TENM2: variants seen among roughly 807,000 people sequenced by gnomAD.
TENM2 encodes the protein teneurin-2.
TENM2 carries 52 observed loss-of-function variants against 245.2 expected under a neutral mutation model. The ratio of observed to expected loss-of-function variants is 0.21; its 90% confidence interval spans 0.17 to 0.27. The LOEUF is 0.27. Ranked by LOEUF, TENM2 falls within the 10% of genes least tolerant of loss-of-function variation. The pLI, the probability that TENM2 is intolerant of heterozygous loss-of-function variation, is 1.00. For synonymous variants in TENM2, 1,363 were observed against 1,438.9 expected (o/e 0.95, Z 1.19); for missense variants, 3,046 against 3,666.8 (o/e 0.83, Z 4.37).
At chr5:167,707,870 G>T (rs2150470683) in intron 2 of TENM2, among the ~76,000 whole-genome samples, 1 of 152,274 alleles carries the variant, frequency 6.6e-6, no homozygotes, top group Non-Finnish European at 1.5e-5. Context: ...CTACTTAGTA[G>T]AGACTCTCCA....
the TENM2 span, among the ~76,000 whole-genome samples, chr5:166,983,586 A>C: frequency 3.9e-5 from 6 of 152,160 alleles, no homozygotes; most frequent in Admixed American, 2.0e-4. Context: ...TATATTCCCC[A>C]TAAAGATTTT....
At chr5:167,207,765 T>G in the TENM2 span, among the ~76,000 whole-genome samples, 1 of 152,176 alleles carries the variant, frequency 6.6e-6, no homozygotes, top group African/African-American at 2.4e-5. Flanking sequence ...TCTTTTTTCT[T>G]TTTTTGAGAT....
chr5:167,872,359 G>T (rs1772943480), intron 2 of TENM2, among the ~76,000 whole-genome samples: 1 of 122,248 alleles, frequency 8.2e-6, no homozygotes, highest in Non-Finnish European at 1.7e-5. Flanking sequence ...AGAAAGGAAA[G>T]AGAAGGAAGG....
Position 168,204,629 on chromosome 5 carries a change from G to T in TENM2, c.3824+8G>T. The T allele has an allele frequency of 6.2e-7, 1 of 1,612,016 alleles. No individual in the cohort carries two copies. Among genetic ancestry groups the T allele is most frequent in the Non-Finnish European group, 8.5e-7 (1 of 1,178,236 alleles). ...CAGCATCTTGGAGTTACGGTAAATG[G>T]CCTCACAGGCAACCTTCTTTTGCTC... On this transcript the variant is annotated splice_region_variant and intron_variant, in intron 19 of 28. Transcript: ENST00000518659.
At chr5:168,181,707 C>T (rs1429468892) in intron 13 of TENM2, among the ~76,000 whole-genome samples, 2 of 134,142 alleles carry the variant, frequency 1.5e-5, no homozygotes, top group Admixed American at 8.1e-5. Flanking sequence ...GACAGAGTCT[C>T]GCTTTGTCAC....
chr5:167,211,320 T>A, the TENM2 span, among the ~76,000 whole-genome samples: 1 of 152,334 alleles, frequency 6.6e-6, no homozygotes, highest in Non-Finnish European at 1.5e-5. Flanking sequence ...TGATAGTTTG[T>A]AAATTCTACA....
intron 2 of TENM2, among the ~76,000 whole-genome samples, chr5:167,572,393 T>G (rs1774329611): frequency 6.6e-6 from 1 of 152,342 alleles, no homozygotes; most frequent in Middle Eastern, 3.4e-3. Context: ...CTTGGGTTTT[T>G]CTATTTTTTA....
At chr5:167,718,515 C>T (rs959778770) in intron 2 of TENM2, among the ~76,000 whole-genome samples, 1 of 152,142 alleles carries the variant, frequency 6.6e-6, no homozygotes, top group Non-Finnish European at 1.5e-5. Context: ...CAGGATGAGC[C>T]ATTGGTAGTA....
chr5:167,027,024 C>T, the TENM2 span, among the ~76,000 whole-genome samples: 1 of 152,102 alleles, frequency 6.6e-6, no homozygotes, highest in Non-Finnish European at 1.5e-5. Flanking sequence ...CAACTTCTAT[C>T]GTTGGAGTAA....
At chr5:167,885,054 C>T (rs191797406) in intron 3 of TENM2, among the ~76,000 whole-genome samples, 27 of 152,222 alleles carry the variant, frequency 1.8e-4, no homozygotes, top group Admixed American at 5.9e-4. Context: ...TTTGAAGAAA[C>T]GTCTATTCAA....
chr5:167,140,817 T>C, the TENM2 span, among the ~76,000 whole-genome samples: 2 of 152,014 alleles, frequency 1.3e-5, no homozygotes, highest in African/African-American at 4.8e-5. Flanking sequence ...ACACAGGCAA[T>C]GGGGAATTCT....
chr5:168,104,524 G>A (rs1311158546), intron 9 of TENM2, among the ~76,000 whole-genome samples: 1 of 152,136 alleles, frequency 6.6e-6, no homozygotes, highest in African/African-American at 2.4e-5. Context: ...GTTAGCAAGA[G>A]AGACTCCCAT....
chr5:167,321,801 T>TTTTTTGTGG lies in TENM2; in HGVS notation c.226+36738_226+36739insTTTTTGTGG, dbSNP rs67957514. Among the ~76,000 whole-genome samples, 4 of 7,282 alleles carry TTTTTTGTGG rather than the reference T, an allele frequency of 5.5e-4. 2 individuals are homozygous for TTTTTTGTGG. The highest frequency in any genetic ancestry group is 3.4e-3 in the Admixed American group (2 of 594). 4.8% of individuals were successfully genotyped at this position (7,282 alleles called of 152,430 possible). ...CCTTGGCTTATTTTTTTTTTTTTTT[T>TTTTTTGTGG]GGGGGGGGGGGCGGGGGGGGGGGTG... On this transcript the variant is annotated intron_variant, in intron 1 of 28. Transcript: ENST00000518659.
chr5:167,733,125 A>G (rs1408978267), intron 2 of TENM2, among the ~76,000 whole-genome samples: 1 of 152,184 alleles, frequency 6.6e-6, no homozygotes, highest in Non-Finnish European at 1.5e-5. Flanking sequence ...CTGGTGTCAA[A>G]GAGAAAGGCA....
At chr5:167,571,404 A>G (rs2127660702) in intron 2 of TENM2, among the ~76,000 whole-genome samples, 1 of 152,362 alleles carries the variant, frequency 6.6e-6, no homozygotes, top group East Asian at 1.9e-4. Flanking sequence ...TCATATAAGC[A>G]TATGAATGTA....
At chr5:168,082,515 C>T (rs1792095592) in intron 7 of TENM2, among the ~76,000 whole-genome samples, 1 of 152,204 alleles carries the variant, frequency 6.6e-6, no homozygotes, top group African/African-American at 2.4e-5. Flanking sequence ...AAGTGGCACT[C>T]TGATTTTTAG....
At chr5:168,024,762 G>A (rs550614286) in intron 5 of TENM2, among the ~76,000 whole-genome samples, 5 of 152,278 alleles carry the variant, frequency 3.3e-5, no homozygotes, top group Admixed American at 6.5e-5. Context: ...CCACTGCCAG[G>A]GCCCACTCGC....
At chr5:167,413,575 A>G (rs1763016746) in intron 2 of TENM2, among the ~76,000 whole-genome samples, 1 of 152,116 alleles carries the variant, frequency 6.6e-6, no homozygotes. Flanking sequence ...ATTTATCCAA[A>G]CACATTGTAG....
At chr5:167,991,561 C>T (rs528558541) in intron 4 of TENM2, among the ~76,000 whole-genome samples, 1 of 152,280 alleles carries the variant, frequency 6.6e-6, no homozygotes, top group East Asian at 1.9e-4. Flanking sequence ...AATGGTCCTT[C>T]CTTAAAGTGC....
Sources: gnomAD v4.1 joint callset for allele counts (sites outside exome capture counted in the v4.1 genomes callset) on GRCh38, gnomAD v4.1.1 for gene constraint, MANE v1.5 for transcripts, NCBI Gene and HGNC (gene_info 2026-07-23, HGNC 2026-07-21) for gene names.